LAMC3: variants seen among roughly 807,000 people sequenced by gnomAD.
LAMC3 encodes laminin subunit gamma-3.
In LAMC3, 128 loss-of-function variants were observed where a neutral mutation model predicts 173.8. The observed-to-expected ratio is 0.74, with a 90% CI of 0.64 to 0.85. LAMC3 has a LOEUF of 0.85. LAMC3 is among the 40% of genes least tolerant of loss of function. LAMC3 has a pLI of 0.00. For missense variants in LAMC3, 2,022 were observed against 2,156.0 expected (o/e 0.94, Z 1.23); for synonymous variants, 897 against 909.1 (o/e 0.99, Z 0.24).
At chr9:131,072,232 CCAGA>C (rs1254150725) in intron 18 of LAMC3, among the ~76,000 whole-genome samples, 1 of 152,120 alleles carries the variant, frequency 6.6e-6, no homozygotes, top group Non-Finnish European at 1.5e-5. Flanking sequence ...CCTTTAGCAG[CCAGA>C]CAGAGGCGAG....
chr9:131,041,089 G>A (rs993973677), intron 6 of LAMC3, among the ~76,000 whole-genome samples: 4 of 152,098 alleles, frequency 2.6e-5, no homozygotes, highest in African/African-American at 4.8e-5. Context: ...CATGGAGGCC[G>A]AGCACGGTGG....
chr9:131,077,376 A>G (rs1325741490), intron 22 of LAMC3, 42 bp downstream of exon 22: 1 of 1,609,700 alleles, frequency 6.2e-7, no homozygotes, highest in Non-Finnish European at 8.5e-7. Context: ...GGTCGGGAGG[A>G]TCTATTATAG....
In LAMC3 at chr9:131,075,949, C is replaced by T. The variant is rs1199242853; in HGVS notation, c.3613C>T (p.Arg1205Trp). Reference protein sequence around the residue: ...LEGRVALETQRDLEDRYQEVQ... With the variant: ...LEGRVALETQWDLEDRYQEVQ... ...GGGAAGGGTGGCCCTAGAGACCCAG[C>T]GGGACCTGGAGGACAGGTGAGGCCT... The change falls in exon 21 of 28, where the codon CGG becomes TGG. Residue 1205 changes from arginine to tryptophan, a missense_variant. Physicochemically the swap from Arg to Trp is moderately radical, Grantham distance 101. Coordinates refer to ENST00000361069, the MANE Select transcript of LAMC3 (RefSeq NM_006059.4). 5.0e-6 allele frequency: 8 copies of T among 1,608,422 alleles called. No individual in the cohort carries two copies. Among genetic ancestry groups the T allele is most frequent in the East Asian group, 2.2e-5 (1 of 44,718 alleles).
At chr9:131,085,250 A>G (rs1830309236) in intron 24 of LAMC3, among the ~76,000 whole-genome samples, 1 of 152,224 alleles carries the variant, frequency 6.6e-6, no homozygotes, top group South Asian at 2.1e-4. Flanking sequence ...CACTGGCCCC[A>G]GCATTGACCA....
At chr9:131,054,526 G>C (rs1271479874) in intron 11 of LAMC3, among the ~76,000 whole-genome samples, 1 of 152,144 alleles carries the variant, frequency 6.6e-6, no homozygotes, top group Non-Finnish European at 1.5e-5. Flanking sequence ...GGCTGAGGCG[G>C]GCGGATCACT....
At chr9:131,073,933 T>C (rs1830079328) in intron 20 of LAMC3, among the ~76,000 whole-genome samples, 1 of 141,296 alleles carries the variant, frequency 7.1e-6, no homozygotes, top group Non-Finnish European at 1.5e-5. Context: ...TTCTTTTTTT[T>C]CTTTTCTTTT....
chr9:131,063,783 T>A (rs1012934613), intron 13 of LAMC3, among the ~76,000 whole-genome samples: 1 of 152,246 alleles, frequency 6.6e-6, no homozygotes, highest in African/African-American at 2.4e-5. Context: ...CTTTCCTGTC[T>A]AATTTTATTT....
At chr9:131,045,780 G>A (rs1162130781) in intron 8 of LAMC3, 120 bp downstream of exon 8, 2 of 1,286,226 alleles carry the variant, frequency 1.6e-6, no homozygotes, top group East Asian at 4.7e-5. Context: ...CCACAGGCCT[G>A]CACAGCCTAG....
At chr9:131,044,027 C>T (rs982016771) in intron 7 of LAMC3, among the ~76,000 whole-genome samples, 2 of 148,490 alleles carry the variant, frequency 1.3e-5, no homozygotes, top group Admixed American at 1.4e-4. Context: ...GGTATGATCT[C>T]GGCTCACTGC....
rs1307802701 is a variant in LAMC3 at position 131,032,150 on chromosome 9, G to A, written c.784G>A (p.Val262Met). ...GGTGCTCCAGTCCTACTATTATGCC[G>A]TGTCCGACTTCTCTGTGGGCGGCAG... ...PKVLQSYYYAVSDFSVGGRCK... is the reference protein window; with the variant it reads ...PKVLQSYYYAMSDFSVGGRCK... Residue 262 changes from valine to methionine, a missense_variant, in exon 3 of 28, where the codon GTG (valine) becomes ATG (methionine). By Grantham distance (21) the Val-to-Met change is conservative. Transcript: ENST00000361069. 1.1e-5 allele frequency: 18 copies of A among 1,612,534 alleles called. No homozygotes were observed. The highest frequency in any genetic ancestry group is 1.6e-4 in the Middle Eastern group (1 of 6,078).
Position 131,087,585 on chromosome 9 carries a change from C to T in LAMC3, c.4340C>T (p.Ser1447Phe). Residue 1447 changes from serine to phenylalanine, a missense_variant, in exon 26 of 28, where the codon TCT becomes TTT. Ser to Phe is a radical substitution (Grantham distance 155). Transcript: ENST00000361069. ...CAGGCGTCCCAGCAGGTGCTGGCGT[C>T]TGAAGCACGCAGACAGGAGCTGGAG... ...LQQASQQVLA[S>F]EARRQELEEA... 1.2e-6 allele frequency: 2 copies of T among 1,614,006 alleles called. No homozygotes were observed. The highest frequency in any genetic ancestry group is 1.7e-6 in the Non-Finnish European group (2 of 1,180,032).
At position 131,094,033 on chromosome 9, in the gene LAMC3, C is replaced by CA. The variant is rs1179715357; in HGVS notation, c.*2249dup. On this transcript the variant is annotated 3_prime_UTR_variant, in exon 28 of 28. Coordinates refer to ENST00000361069, the MANE Select transcript of LAMC3 (RefSeq NM_006059.4). ...TTCACCACGTTGGTCAGGCTGGTCT[C>CA]AAACTCCTGACCTCAGATGATATAC... The CA allele has an allele frequency of 6.6e-6, 1 of 152,256 alleles. No individual in the cohort carries two copies. The highest frequency in any genetic ancestry group is 6.5e-5 in the Admixed American group (1 of 15,280). The allele number at this position is 152,256 out of a possible 1,614,324, so 9.4% of individuals were successfully genotyped here. A position where few individuals can be genotyped will look rare whatever the true frequency, so the allele number is the denominator to read the frequency against.
chr9:131,010,342 G>GA (rs1833390712), intron 1 of LAMC3, among the ~76,000 whole-genome samples: 1 of 151,418 alleles, frequency 6.6e-6, no homozygotes, highest in Non-Finnish European at 1.5e-5. Context: ...AAGAAAGAAT[G>GA]AAAAAAAGAA....
chr9:131,020,947 T>G (rs1411486491), intron 1 of LAMC3, among the ~76,000 whole-genome samples: 1 of 152,128 alleles, frequency 6.6e-6, no homozygotes, highest in African/African-American at 2.4e-5. Context: ...TATTCTTAGG[T>G]TTTTTGATGT....
chr9:131,066,824 C>T, intron 13 of LAMC3, 136 bp from the exon 14 acceptor site: 2 of 1,175,274 alleles, frequency 1.7e-6, no homozygotes, highest in Non-Finnish European at 2.4e-6. Context: ...CCACTGGGGG[C>T]CGGTCCCAGG....
At chr9:131,055,078 C>G (rs2133287362) in intron 11 of LAMC3, among the ~76,000 whole-genome samples, 1 of 152,264 alleles carries the variant, frequency 6.6e-6, no homozygotes, top group East Asian at 1.9e-4. Context: ...ACAACCGTGT[C>G]ACAGGGAATA....
At chr9:131,011,522 G>A (rs905199867) in intron 1 of LAMC3, among the ~76,000 whole-genome samples, 7 of 152,180 alleles carry the variant, frequency 4.6e-5, no homozygotes, top group African/African-American at 1.2e-4. Flanking sequence ...GGGGAGGACC[G>A]TGAGCCCGCT....
At chr9:131,027,550 A>G (rs1833745162) in intron 2 of LAMC3, among the ~76,000 whole-genome samples, 1 of 152,178 alleles carries the variant, frequency 6.6e-6, no homozygotes, top group Non-Finnish European at 1.5e-5. Flanking sequence ...GCCACCAGCC[A>G]CCATGAGATG....
intron 1 of LAMC3, among the ~76,000 whole-genome samples, chr9:131,020,408 T>C (rs1833604966): frequency 1.3e-5 from 2 of 152,158 alleles, no homozygotes; most frequent in South Asian, 2.1e-4. Flanking sequence ...AGGGATAGGC[T>C]CCATCACAGC....
Sources: allele counts gnomAD v4.1 joint callset (sites outside exome capture counted in the v4.1 genomes callset), GRCh38; gene constraint gnomAD v4.1.1; transcripts MANE v1.5; gene names NCBI Gene and HGNC (gene_info 2026-07-23, HGNC 2026-07-21).